NELL2: variants seen among roughly 807,000 people sequenced by gnomAD.
NELL2 encodes the protein neural EGFL like 2, also known as protein kinase C-binding protein NELL2.
NELL2 carries 41 observed loss-of-function variants against 109.6 expected under a neutral mutation model. That is an observed-to-expected ratio of 0.37 (90% CI 0.29 to 0.49). NELL2 has a LOEUF of 0.49. Ranked by LOEUF, NELL2 falls within the 20% of genes least tolerant of loss-of-function variation. The pLI is 0.98. For missense variants in NELL2, 900 were observed against 1,008.3 expected, an observed-to-expected ratio of 0.89 and a Z score of 1.45; for synonymous variants, 355 against 344.7, an observed-to-expected ratio of 1.03 and a Z score of -0.33.
At chr12:44,644,582 A>ATG (rs1946990953) in intron 13 of NELL2, among the ~76,000 whole-genome samples, 2 of 68,422 alleles carry the variant, frequency 2.9e-5, no homozygotes, top group African/African-American at 1.7e-4. Flanking sequence ...AAAGTAAAGT[A>ATG]TATATATATA....
chr12:44,856,689 G>A (rs1399386902), intron 2 of NELL2, among the ~76,000 whole-genome samples: 9 of 152,164 alleles, frequency 5.9e-5, no homozygotes, highest in Non-Finnish European at 1.3e-4. Flanking sequence ...AAATAAGCAA[G>A]AAAGAGAGAA....
chr12:44,760,327 G>A (rs1022302468), intron 9 of NELL2, among the ~76,000 whole-genome samples: 2 of 151,876 alleles, frequency 1.3e-5, no homozygotes, highest in Admixed American at 1.3e-4. Context: ...GTCCATCAGA[G>A]AATTATCTTT....
intron 15 of NELL2, 151 bp downstream of exon 15, chr12:44,607,018 A>G: frequency 3.3e-6 from 2 of 613,294 alleles, no homozygotes; most frequent in South Asian, 6.4e-5. Flanking sequence ...TGCATCACTG[A>G]AACTTCCCAC....
rs761868149 is a variant in NELL2 at position 44,704,852 on chromosome 12, G to A, written c.1190-998C>T. Among the ~76,000 whole-genome samples the A allele has an allele frequency of 5.3e-5, 8 of 151,570 alleles. No individual in the cohort carries two copies. In the South Asian group the frequency reaches 1.3e-3, roughly 24 times the overall value. On this transcript the variant is annotated intron_variant, in intron 11 of 19. Coordinates refer to ENST00000429094, the MANE Select transcript of NELL2 (RefSeq NM_001145108.2). Reference sequence around the variant, plus strand: ...TGGCCAACATGGTGAAACCCCGTCTGTACTAAAAATATAAAAATTATCTGG... The same window carrying A: ...TGGCCAACATGGTGAAACCCCGTCTATACTAAAAATATAAAAATTATCTGG...
chr12:44,854,637 A>G (rs1227987676), intron 2 of NELL2, among the ~76,000 whole-genome samples: 1 of 150,752 alleles, frequency 6.6e-6, no homozygotes, highest in East Asian at 2.0e-4. Context: ...GTATTATTAG[A>G]GACATGTTTA....
chr12:44,552,985 T>C (rs1293739309), intron 15 of NELL2, among the ~76,000 whole-genome samples: 4 of 151,966 alleles, frequency 2.6e-5, no homozygotes, highest in Non-Finnish European at 5.9e-5. Flanking sequence ...GAACATTTCC[T>C]AGAAACCATC....
chr12:44,698,715 A>C (rs1297551395), intron 12 of NELL2, among the ~76,000 whole-genome samples: 1 of 152,222 alleles, frequency 6.6e-6, no homozygotes, highest in Non-Finnish European at 1.5e-5. Flanking sequence ...AATGTCTCAC[A>C]AACTTACTTT....
At chr12:44,572,049 C>T (rs558762154) in intron 15 of NELL2, among the ~76,000 whole-genome samples, 9 of 152,152 alleles carry the variant, frequency 5.9e-5, no homozygotes, top group African/African-American at 1.7e-4. Context: ...TTCTTTCTCT[C>T]TCTCTCTCCT....
intron 13 of NELL2, among the ~76,000 whole-genome samples, chr12:44,635,699 G>T (rs1474625994): frequency 6.6e-6 from 1 of 152,174 alleles, no homozygotes; most frequent in Non-Finnish European, 1.5e-5. Context: ...TTGTAGCATA[G>T]TTTGAAGTCA....
At chr12:44,565,232 A>G (rs1225776986) in intron 15 of NELL2, among the ~76,000 whole-genome samples, 2 of 152,180 alleles carry the variant, frequency 1.3e-5, no homozygotes, top group African/African-American at 2.4e-5. Context: ...CAAGAGACTT[A>G]GTATCAAATT....
chr12:44,522,958 C>T (rs1941607050), intron 17 of NELL2: 1 of 281,138 alleles, frequency 3.6e-6, no homozygotes, highest in Non-Finnish European at 6.8e-6. Context: ...GATATAGGTA[C>T]AATAGGATTG....
At chr12:44,638,156 C>A in intron 13 of NELL2, among the ~76,000 whole-genome samples, 1 of 152,188 alleles carries the variant, frequency 6.6e-6, no homozygotes, top group East Asian at 1.9e-4. Flanking sequence ...TTTAAGAACT[C>A]CTGAAACATC....
chr12:44,526,572 C>T (rs939592562), intron 16 of NELL2, among the ~76,000 whole-genome samples: 1 of 152,148 alleles, frequency 6.6e-6, no homozygotes, highest in Non-Finnish European at 1.5e-5. Flanking sequence ...CATTGCTATA[C>T]ACTGCAGCAA....
upstream of NELL2, chr12:44,876,631 G>C (rs1945335374): frequency 1.9e-6 from 3 of 1,551,272 alleles, no homozygotes; most frequent in Non-Finnish European, 2.6e-6. Context: ...CGCGTGTCTT[G>C]AAAGACAGGA....
At chr12:44,713,213 C>CAG (rs1338457422) in intron 10 of NELL2, among the ~76,000 whole-genome samples, 3,201 of 119,100 alleles carry the variant, frequency 0.027, 97 homozygotes, top group African/African-American at 0.11. Flanking sequence ...CACACACACA[C>CAG]ACAGAGAGAG....
intron 13 of NELL2, among the ~76,000 whole-genome samples, chr12:44,663,036 A>G (rs1833849779): frequency 6.6e-6 from 1 of 152,224 alleles, no homozygotes; most frequent in African/African-American, 2.4e-5. Flanking sequence ...TAAGATAAAT[A>G]AAGTCCTACT....
At chr12:44,689,461 T>C (rs1948833368) in intron 12 of NELL2, among the ~76,000 whole-genome samples, 4 of 152,194 alleles carry the variant, frequency 2.6e-5, no homozygotes, top group Admixed American at 2.6e-4. Flanking sequence ...GTAAGAGTTT[T>C]TCCTCTTCCC....
chr12:44,834,608 G>A (rs939103967), intron 2 of NELL2, among the ~76,000 whole-genome samples: 11 of 152,140 alleles, frequency 7.2e-5, no homozygotes, highest in Non-Finnish European at 1.5e-5. Flanking sequence ...CAGGGCAGGG[G>A]TGGGGCACTA....
chr12:44,683,685 T>C (rs374721771), intron 12 of NELL2, among the ~76,000 whole-genome samples: 10 of 152,220 alleles, frequency 6.6e-5, no homozygotes, highest in South Asian at 6.2e-4. Flanking sequence ...AATCATGTGG[T>C]TTTTGTCTTT....
Sources: gnomAD v4.1 joint callset for allele counts (sites outside exome capture counted in the v4.1 genomes callset) on GRCh38, gnomAD v4.1.1 for gene constraint, MANE v1.5 for transcripts, NCBI Gene and HGNC (gene_info 2026-07-23, HGNC 2026-07-21) for gene names.